Variants in ADAD2 observed in about 807,000 individuals in gnomAD.
ADAD2 encodes adenosine deaminase domain containing 2.
Under a neutral mutation model 54.5 loss-of-function variants are expected in ADAD2, and 60 were observed. The observed-to-expected ratio is 1.10, with a 90% CI of 0.89 to 1.36. The LOEUF (loss-of-function observed/expected upper bound fraction) is 1.36, where lower values mean the gene tolerates loss of function less well. Among genes scored for constraint, ADAD2 ranks in the 40% most tolerant of loss-of-function variants. ADAD2 has a pLI of 0.00. For synonymous variants in ADAD2, 543 were observed against 366.2 expected, an observed-to-expected ratio of 1.48 and a Z score of -5.51; for missense variants, 1,103 against 801.3, an observed-to-expected ratio of 1.38 and a Z score of -4.54.
At chr16:84,194,863 C>T in intron 2 of ADAD2, 70 bp from the exon 3 acceptor site, 1 of 1,513,814 alleles carries the variant, frequency 6.6e-7, no homozygotes, top group Non-Finnish European at 8.9e-7. Context: ...CTCCCCGCCT[C>T]CTTGGCTTCC....
intron 1 of ADAD2, chr16:84,194,010 A>G (rs568626717): frequency 1.9e-6 from 3 of 1,576,904 alleles, no homozygotes; most frequent in Non-Finnish European, 2.6e-6. Context: ...TCATAGGAAA[A>G]GTGTTCAAAT....
intron 9 of ADAD2, 35 bp downstream of exon 9, chr16:84,196,802 C>T (rs1349830008): frequency 6.9e-6 from 11 of 1,601,020 alleles, no homozygotes; most frequent in South Asian, 2.2e-5. Flanking sequence ...CCCGGTCCCT[C>T]TCCAGCCCTG....
rs769615300 is a variant in ADAD2 at position 84,191,289 on chromosome 16, C to G, written c.59C>G (p.Ala20Gly). The G allele has an allele frequency of 1.3e-4, 216 of 1,603,918 alleles. No individual in the cohort carries two copies. Among genetic ancestry groups the G allele is most frequent in the Non-Finnish European group, 1.8e-4 (207 of 1,175,520 alleles). ...DDGSRRKPRL[A>G]ASLQISPQPR... ...GGCAGTCGTAGGAAGCCCCGCCTGG[C>G]TGCATCGTTGCAGATCAGCCCCCAG... Residue 20 changes from alanine to glycine, a missense_variant, in exon 1 of 10, where the codon GCT becomes GGT. Physicochemically the swap from Ala to Gly is moderately conservative, Grantham distance 60 (BLOSUM62 0). Transcript: ENST00000315906.
At chr16:84,194,613 G>T in intron 2 of ADAD2, 31 bp downstream of exon 2, 3 of 1,585,028 alleles carry the variant, frequency 1.9e-6, no homozygotes, top group Non-Finnish European at 2.6e-6. Flanking sequence ...CAGCTGAGCC[G>T]CAGCTGGGGA....
chr16:84,196,529 T>A, intron 8 of ADAD2, 118 bp from the exon 9 acceptor site: 3 of 1,552,030 alleles, frequency 1.9e-6, no homozygotes, highest in Non-Finnish European at 2.6e-6. Context: ...CACCTCTGTC[T>A]GCCCTGTGAG....
At chr16:84,193,171 C>T (rs545879469) in intron 1 of ADAD2, 1 of 151,866 alleles carries the variant, frequency 6.6e-6, no homozygotes, top group East Asian at 1.9e-4. Flanking sequence ...TATGTAACTA[C>T]AATACAATTA....
chr16:84,192,419 G>A (rs959071597), intron 1 of ADAD2: 1 of 152,488 alleles, frequency 6.6e-6, no homozygotes, highest in East Asian at 1.9e-4. Context: ...AAAGTGCTGA[G>A]ATTACAGGTG....
chr16:84,194,106 G>C, intron 1 of ADAD2: 1 of 1,614,130 alleles, frequency 6.2e-7, no homozygotes, highest in Non-Finnish European at 8.5e-7. Flanking sequence ...GAACAGGGTG[G>C]CGTGGGCTCT....
chr16:84,193,227 T>C (rs2089679819), intron 1 of ADAD2: 1 of 152,238 alleles, frequency 6.6e-6, no homozygotes, highest in African/African-American at 2.4e-5. Flanking sequence ...TCTTCTAATT[T>C]CTATTCACAT....
Position 84,191,290 on chromosome 16 carries a change from T to G in ADAD2, c.60T>G (p.Ala20=). ...GCAGTCGTAGGAAGCCCCGCCTGGC[T>G]GCATCGTTGCAGATCAGCCCCCAGC... ...DDGSRRKPRL[A]ASLQISPQPR... The change falls in exon 1 of 10, where the codon GCT becomes GCG. Residue 20 remains alanine, a synonymous_variant. Transcript: ENST00000315906. 1 of 1,602,784 alleles carries G rather than the reference T, an allele frequency of 6.2e-7. No individual in the cohort carries two copies. Among genetic ancestry groups the G allele is most frequent in the Non-Finnish European group, 8.5e-7 (1 of 1,174,568 alleles).
Position 84,196,251 on chromosome 16 carries a change from G to GC in ADAD2, c.1412dup (p.Val472GlyfsTer9). 1 of 1,612,384 alleles carries GC rather than the reference G, an allele frequency of 6.2e-7. No individual in the cohort carries two copies. The highest frequency in any genetic ancestry group is 8.5e-7 in the Non-Finnish European group (1 of 1,179,924). On this transcript the variant is annotated frameshift_variant, in exon 8 of 10. Coordinates refer to ENST00000315906, the MANE Select transcript of ADAD2 (RefSeq NM_001145400.2). LOFTEE classifies it high-confidence loss of function. ...GGACCGCCCTGCACCTGTTTGCAGG[G>GC]CCCCCGGTGGCCCCTTCCGAACCCA...
In ADAD2 at chr16:84,196,192, G is replaced by GTCC. The variant is rs749593800; in HGVS notation, c.1350_1352dup (p.Leu451dup). On this transcript the variant is annotated inframe_insertion, in exon 8 of 10. Coordinates refer to ENST00000315906, the MANE Select transcript of ADAD2 (RefSeq NM_001145400.2). ...CCACACCCGGCCCTGCCTGGACAGT[G>GTCC]TCCTGGGGCCATGCCTGCCACCTCC... The GTCC allele has an allele frequency of 9.9e-6, 16 of 1,609,330 alleles. No individual in the cohort carries two copies. Among genetic ancestry groups the GTCC allele is most frequent in the Admixed American group, 1.7e-5 (1 of 60,006 alleles).
intron 1 of ADAD2, chr16:84,193,081 G>C (rs1259471422): frequency 6.6e-6 from 1 of 151,946 alleles, no homozygotes; most frequent in Non-Finnish European, 1.5e-5. Context: ...CCTGTCCTCA[G>C]CCCCACAAAG....
Position 84,195,568 on chromosome 16 carries a change from GC to G in ADAD2, c.927del (p.Lys310ArgfsTer67). On this transcript the variant is annotated frameshift_variant, in exon 6 of 10. Coordinates refer to ENST00000315906, the MANE Select transcript of ADAD2 (RefSeq NM_001145400.2). LOFTEE classifies it high-confidence loss of function. The part of the protein sequence containing the change: ...FRQLLLATQG[G>X]PKGKEQSVLA... ...CAGCTCCTGCTGGCCACACAGGGGG[GC>G]CCCAAGGGCAAGGAGCAGTCCGTGC... The G allele has an allele frequency of 1.2e-6, 2 of 1,600,236 alleles. No homozygotes were observed. Among genetic ancestry groups the G allele is most frequent in the African/African-American group, 2.7e-5 (2 of 74,602 alleles).
At position 84,195,614 on chromosome 16, in the gene ADAD2, C is replaced by G. The variant is rs746531516; in HGVS notation, c.969C>G (p.Pro323=). 2.5e-6 allele frequency: 4 copies of G among 1,605,138 alleles called. No homozygotes were observed. The Admixed American group carries it at 5.1e-5, about 21-fold the overall frequency. The change falls in exon 6 of 10, where the codon CCC becomes CCG. Residue 323 remains proline, a synonymous_variant. Transcript: ENST00000315906. ...EQSVLAPQPG[P]GPPFTLKPRV... ...CCGTGCTGGCCCCCCAGCCAGGGCC[C>G]GGACCCCCATTCACCCTCAAGCCCC...
intron 9 of ADAD2, 47 bp downstream of exon 9, chr16:84,196,814 A>T: frequency 1.3e-6 from 2 of 1,596,866 alleles, no homozygotes; most frequent in Non-Finnish European, 1.7e-6. Context: ...CCAGCCCTGC[A>T]GTCCCTGCCC....
At chr16:84,193,839 G>A (rs1415984618) in intron 1 of ADAD2, 6 of 678,554 alleles carry the variant, frequency 8.8e-6, no homozygotes, top group Admixed American at 3.0e-5. Context: ...GCTGAAATGG[G>A]TTCCCTTCCA....
In ADAD2 at chr16:84,195,660, A is replaced by G; in HGVS notation, c.1015A>G (p.Ile339Val). Residue 339 changes from isoleucine to valine, a missense_variant, in exon 6 of 10, where the codon ATC becomes GTC. By Grantham distance (29) the Ile-to-Val change is conservative. Transcript: ENST00000315906. ...LKPRVFLHLY[I>V]SNTPKGAARD... The stretch of plus-strand genomic sequence containing the variant: ...GCCCCGCGTCTTCCTGCACCTCTAC[A>G]TCAGCAACACCCCCAAGGGCGCGGC... 1.9e-6 allele frequency: 3 copies of G among 1,586,206 alleles called. No homozygotes were observed. Among genetic ancestry groups the G allele is most frequent in the African/African-American group, 1.4e-5 (1 of 73,080 alleles).
rs1477419887 is a variant in ADAD2 at position 84,195,603 on chromosome 16, C to T, written c.958C>T (p.Gln320Ter). ...KGKEQSVLAP[Q>*]PGPGPPFTLK... ...CAAGGAGCAGTCCGTGCTGGCCCCC[C>T]AGCCAGGGCCCGGACCCCCATTCAC... Residue 320 changes from glutamine (Q) to a stop codon, truncating the protein, a stop_gained, in exon 6 of 10, where the codon CAG becomes TAG. Transcript: ENST00000315906. LOFTEE classifies it high-confidence loss of function. 6.2e-7 allele frequency: 1 copy of T among 1,604,480 alleles called. No homozygotes were observed. The highest frequency in any genetic ancestry group is 8.5e-7 in the Non-Finnish European group (1 of 1,175,990).
Sources: gnomAD v4.1 joint callset for allele counts on GRCh38, gnomAD v4.1.1 for gene constraint, MANE v1.5 for transcripts, NCBI Gene and HGNC (gene_info 2026-07-23, HGNC 2026-07-21) for gene names.